Variants in RETREG1 observed in about 807,000 individuals in gnomAD.
The protein encoded by RETREG1 is reticulophagy regulator 1, also known as family with sequence similarity 134 member B.
RETREG1 carries 44 observed loss-of-function variants against 54.8 expected under a neutral mutation model. The observed-to-expected ratio is 0.80, with a 90% CI of 0.63 to 1.03. The LOEUF (loss-of-function observed/expected upper bound fraction) is 1.03, where lower values mean the gene tolerates loss of function less well. RETREG1 is among the 50% of genes least tolerant of loss of function. The pLI, the probability that RETREG1 is intolerant of heterozygous loss-of-function variation, is 0.00. For synonymous variants in RETREG1, 217 were observed against 238.5 expected, an observed-to-expected ratio of 0.91 and a Z score of 0.83; for missense variants, 554 against 605.1, an observed-to-expected ratio of 0.92 and a Z score of 0.89.
At chr5:16,512,256 G>A (rs1472033818) in intron 3 of RETREG1, among the ~76,000 whole-genome samples, 2 of 152,170 alleles carry the variant, frequency 1.3e-5, no homozygotes, top group African/African-American at 2.4e-5. Flanking sequence ...CTGTGGAACA[G>A]CAAAGTCAGG....
intron 4 of RETREG1, chr5:16,483,032 G>A (rs964885146): frequency 6.8e-6 from 2 of 292,392 alleles, no homozygotes; most frequent in South Asian, 4.2e-5. Flanking sequence ...GGCTAAATAC[G>A]ATAACTGAAA....
intron 1 of RETREG1, 158 bp downstream of exon 1, chr5:16,616,494 T>C (rs894848887): frequency 3.1e-6 from 4 of 1,284,710 alleles, no homozygotes. Context: ...GCGGTGAGTG[T>C]CTACCTGTTC....
chr5:16,613,126 G>C (rs114400805), intron 1 of RETREG1, among the ~76,000 whole-genome samples: 1,890 of 151,534 alleles, frequency 0.012, 32 homozygotes, highest in African/African-American at 0.044. Context: ...GTTGCCTACA[G>C]AAAAAACAAA....
chr5:16,554,651 G>A (rs766512183), intron 3 of RETREG1, among the ~76,000 whole-genome samples: 8 of 152,102 alleles, frequency 5.3e-5, no homozygotes, highest in South Asian at 2.1e-4. Flanking sequence ...GATGTACTGC[G>A]CATATACCTC....
intron 3 of RETREG1, among the ~76,000 whole-genome samples, chr5:16,541,798 A>AAGGG (rs1489666471): frequency 2.7e-5 from 3 of 110,836 alleles, no homozygotes; most frequent in Non-Finnish European, 6.1e-5. Context: ...GGAAGGAAGG[A>AAGGG]AAGGAAGGAA....
chr5:16,482,329 G>A (rs893809164), intron 4 of RETREG1, among the ~76,000 whole-genome samples: 1 of 151,652 alleles, frequency 6.6e-6, no homozygotes, highest in Non-Finnish European at 1.5e-5. Context: ...ATTGACTTGG[G>A]GCACATTAAT....
chr5:16,566,085 G>A (rs1184580547), intron 2 of RETREG1, among the ~76,000 whole-genome samples: 2 of 152,092 alleles, frequency 1.3e-5, no homozygotes, highest in Non-Finnish European at 2.9e-5. Context: ...TGTCCCCTGG[G>A]GCAGACAAAA....
At chr5:16,516,495 A>T (rs533328711) in intron 3 of RETREG1, among the ~76,000 whole-genome samples, 1 of 152,344 alleles carries the variant, frequency 6.6e-6, no homozygotes. Context: ...TTGAAATTCC[A>T]AGAATCAGAA....
chr5:16,481,485 T>C (rs1738771829), intron 4 of RETREG1, among the ~76,000 whole-genome samples: 1 of 152,016 alleles, frequency 6.6e-6, no homozygotes, highest in South Asian at 2.1e-4. Context: ...CATCTGAAAG[T>C]TCAAACTACC....
chr5:16,501,868 C>T (rs1739730729), intron 3 of RETREG1, among the ~76,000 whole-genome samples: 1 of 150,188 alleles, frequency 6.7e-6, no homozygotes, highest in Admixed American at 6.7e-5. Flanking sequence ...TTTAAGAGCA[C>T]AAGAGAGCAC....
At chr5:16,477,816 G>T (rs1368200979) in intron 7 of RETREG1, 28 bp from the exon 8 acceptor site, 1 of 1,612,578 alleles carries the variant, frequency 6.2e-7, no homozygotes, top group East Asian at 2.2e-5. Flanking sequence ...AATACCAGCG[G>T]CACATTTTAA....
chr5:16,516,468 CA>C lies in RETREG1; in HGVS notation c.459-32997del, dbSNP rs1246135855. On this transcript the variant is annotated intron_variant, in intron 3 of 8. Coordinates refer to ENST00000306320, the MANE Select transcript of RETREG1 (RefSeq NM_001034850.3). ...CTCCAGAAGAACTTGCTTCAAAATGCAGATCCTGAGTCCCAGTTGAAATTCC... is the reference window on the plus strand; with the variant it reads ...CTCCAGAAGAACTTGCTTCAAAATGCGATCCTGAGTCCCAGTTGAAATTCC... Among the ~76,000 whole-genome samples the C allele has an allele frequency of 6.6e-5, 10 of 152,326 alleles. No individual in the cohort carries two copies. In the South Asian group the frequency reaches 2.1e-3, roughly 32 times the overall value.
chr5:16,553,212 A>C (rs1278141527), intron 3 of RETREG1, among the ~76,000 whole-genome samples: 1 of 152,246 alleles, frequency 6.6e-6, no homozygotes, highest in Non-Finnish European at 1.5e-5. Context: ...CAGTGCAAAA[A>C]GAGCAGATAA....
chr5:16,593,142 G>A lies in RETREG1; in HGVS notation c.321-21040C>T, dbSNP rs1164751961. On this transcript the variant is annotated intron_variant, in intron 1 of 8. Transcript: ENST00000306320. This position sits in a 1 kb window ranked among gnomAD's most constrained non-coding sequence, Gnocchi z 4.9. ...GTGAACCCCTGACTCACCATCCCAT[G>A]CCCAGTGGTCACACTCAGCAAGGAA... Among the ~76,000 whole-genome samples the A allele has an allele frequency of 6.6e-6, 1 of 152,160 alleles. No homozygotes were observed. The highest frequency in any genetic ancestry group is 1.5e-5 in the Non-Finnish European group (1 of 68,038).
intron 3 of RETREG1, among the ~76,000 whole-genome samples, chr5:16,523,089 T>C (rs1342410342): frequency 6.6e-6 from 1 of 152,106 alleles, no homozygotes; most frequent in Non-Finnish European, 1.5e-5. Context: ...ACAGTGGATT[T>C]ACAGAAGAGT....
intron 3 of RETREG1, among the ~76,000 whole-genome samples, chr5:16,505,931 G>A (rs1043592762): frequency 2.6e-5 from 4 of 152,064 alleles, no homozygotes; most frequent in Admixed American, 2.0e-4. Context: ...CTCTCCCCTC[G>A]TCTCTTGACC....
intron 3 of RETREG1, among the ~76,000 whole-genome samples, chr5:16,487,409 AG>A (rs1324793187): frequency 6.6e-6 from 1 of 152,146 alleles, no homozygotes; most frequent in Non-Finnish European, 1.5e-5. Flanking sequence ...CACACACTCC[AG>A]CCACAAGATA....
At chr5:16,612,064 CA>C (rs35639329) in intron 1 of RETREG1, among the ~76,000 whole-genome samples, 6,586 of 120,372 alleles carry the variant, frequency 0.055, 435 homozygotes, top group African/African-American at 0.19. Flanking sequence ...GACTCCGTCT[CA>C]AAAAAAAAAA....
intron 5 of RETREG1, 65 bp from the exon 6 acceptor site, chr5:16,479,052 A>C: frequency 6.8e-7 from 1 of 1,463,084 alleles, no homozygotes; most frequent in Non-Finnish European, 9.5e-7. Flanking sequence ...ACATTTCAGT[A>C]TTTCACAAAA....
Sources: allele counts gnomAD v4.1 joint callset (sites outside exome capture counted in the v4.1 genomes callset), GRCh38; gene constraint gnomAD v4.1.1; non-coding constraint Gnocchi (gnomAD v3.1); transcripts MANE v1.5; gene names NCBI Gene and HGNC (gene_info 2026-07-23, HGNC 2026-07-21).